The following SENP6 variants were observed in gnomAD, a reference collection of about 807,000 sequenced individuals.
The protein encoded by SENP6 is SUMO specific peptidase 6.
A neutral mutation model predicts 134.5 loss-of-function variants in SENP6; 41 were observed. That is an observed-to-expected ratio of 0.30 (90% CI 0.24 to 0.40). SENP6 has a LOEUF of 0.40. Among genes scored for constraint, SENP6 ranks in the 10% least tolerant of loss-of-function variants. SENP6 has a pLI of 1.00. For synonymous variants in SENP6, 395 were observed against 429.8 expected (o/e 0.92, Z 1.00); for missense variants, 1,248 against 1,312.5 (o/e 0.95, Z 0.76).
chr6:75,685,295 GCAGT>G (rs763705608), intron 16 of SENP6, among the ~76,000 whole-genome samples: 15 of 152,090 alleles, frequency 9.9e-5, no homozygotes, highest in Admixed American at 3.3e-4. Context: ...AGTCTTGCTA[GCAGT>G]CAGTCAATTT....
chr6:75,624,002 C>A, intron 3 of SENP6, 42 bp downstream of exon 3: 1 of 1,477,954 alleles, frequency 6.8e-7, no homozygotes, highest in Non-Finnish European at 9.3e-7. Flanking sequence ...ACATTATATA[C>A]AAAAAAATTG....
chr6:75,622,817 G>A (rs957697525), intron 2 of SENP6: 2 of 1,288,722 alleles, frequency 1.6e-6, no homozygotes, highest in African/African-American at 1.5e-5. Flanking sequence ...TCACCGATGA[G>A]ATGTTGATTT....
In SENP6 at chr6:75,640,722, GA is replaced by G; in HGVS notation, c.479+21del. On this transcript the variant is annotated intron_variant, in intron 6 of 23. Transcript: ENST00000447266. ...AAAGAAAGGTAAGCTTAATATTGAA[GA>G]AATTAGAGCATGGATATAGTGGTAA... 1 of 1,456,104 alleles carries G rather than the reference GA, an allele frequency of 6.9e-7. No individual in the cohort carries two copies. The highest frequency in any genetic ancestry group is 2.4e-5 in the East Asian group (1 of 41,208). 90.2% of individuals were successfully genotyped at this position (1,456,104 alleles called of 1,614,324 possible).
At chr6:75,694,646 G>A (rs770366672) in intron 16 of SENP6, among the ~76,000 whole-genome samples, 1 of 152,112 alleles carries the variant, frequency 6.6e-6, no homozygotes, top group African/African-American at 2.4e-5. Flanking sequence ...ACCATAAAAT[G>A]TGTGGTTTTT....
At chr6:75,678,772 T>G (rs1162196465) in intron 15 of SENP6, 39 bp from the exon 16 acceptor site, 2 of 1,377,688 alleles carry the variant, frequency 1.5e-6, no homozygotes, top group South Asian at 2.4e-5. Flanking sequence ...TATATATATA[T>G]AGATTTGTTT....
At chr6:75,673,943 C>T (rs1430213807) in intron 11 of SENP6, among the ~76,000 whole-genome samples, 2 of 151,850 alleles carry the variant, frequency 1.3e-5, no homozygotes, top group Non-Finnish European at 2.9e-5. Flanking sequence ...ATCACTTGAA[C>T]CCGGGAGGTG....
chr6:75,657,061 T>C (rs1185754136), intron 7 of SENP6, among the ~76,000 whole-genome samples: 1 of 152,138 alleles, frequency 6.6e-6, no homozygotes, highest in Non-Finnish European at 1.5e-5. Context: ...ATTAGATACA[T>C]GTTTGAGCAA....
rs147111901 is a variant in SENP6, at chr6:75,633,363, A to T, written c.208-218A>T. Among the ~76,000 whole-genome samples the T allele has an allele frequency of 2.6e-3, 397 of 152,320 alleles. 3 individuals carry two copies. Among genetic ancestry groups the T allele is most frequent in the Non-Finnish European group, 3.6e-3 (243 of 68,028 alleles). ...TCTTTGGAAAGATTCACATGAAAAG[A>T]AAGTAATACAATAAACCTCCATGTT... On this transcript the variant is annotated intron_variant, in intron 3 of 23. Transcript: ENST00000447266.
intron 19 of SENP6, among the ~76,000 whole-genome samples, chr6:75,708,093 T>A (rs920070215): frequency 2.0e-5 from 3 of 152,316 alleles, no homozygotes; most frequent in Non-Finnish European, 4.4e-5. Flanking sequence ...AGAGTCTTGC[T>A]CTATCACCCA....
At position 75,717,048 on chromosome 6, in the gene SENP6, T is replaced by A. The variant is rs367784277; in HGVS notation, c.*1454T>A. 6.6e-6 allele frequency: 1 copy of A among 151,966 alleles called. No individual in the cohort carries two copies. The allele number at this position is 151,966 out of a possible 1,614,324, so 9.4% of individuals were successfully genotyped here. ...GTAAGAAAGGTCACCATTAGTGATA[T>A]CAACTGTAGTTTGTTACTTTGAACT... On this transcript the variant is annotated 3_prime_UTR_variant, in exon 24 of 24. Transcript: ENST00000447266.
intron 5 of SENP6, among the ~76,000 whole-genome samples, chr6:75,637,024 G>A (rs1358060359): frequency 6.6e-6 from 1 of 151,960 alleles, no homozygotes; most frequent in Non-Finnish European, 1.5e-5. Flanking sequence ...AGGACTGCAG[G>A]CATGCACCAC....
intron 1 of SENP6, among the ~76,000 whole-genome samples, chr6:75,617,524 C>T (rs939196789): frequency 2.0e-5 from 3 of 151,844 alleles, no homozygotes; most frequent in Admixed American, 6.6e-5. Context: ...CGCCCGCCTC[C>T]GCCTCCACCT....
At chr6:75,660,436 C>G (rs1244627274) in intron 8 of SENP6, among the ~76,000 whole-genome samples, 2 of 152,078 alleles carry the variant, frequency 1.3e-5, no homozygotes, top group African/African-American at 4.8e-5. Flanking sequence ...GAATACTTTA[C>G]TTAAAAGGGT....
intron 21 of SENP6, among the ~76,000 whole-genome samples, chr6:75,711,658 G>C (rs1775752363): frequency 6.6e-6 from 1 of 152,046 alleles, no homozygotes; most frequent in African/African-American, 2.4e-5. Flanking sequence ...CAAATGTTTT[G>C]TTTTGTTTAA....
chr6:75,650,474 A>G (rs1221725225), intron 7 of SENP6, among the ~76,000 whole-genome samples: 1 of 152,082 alleles, frequency 6.6e-6, no homozygotes, highest in African/African-American at 2.4e-5. Flanking sequence ...ATGTTTGTCT[A>G]ATGTTGATTT....
intron 16 of SENP6, among the ~76,000 whole-genome samples, chr6:75,692,092 G>A (rs544099994): frequency 3.9e-5 from 6 of 152,078 alleles, no homozygotes; most frequent in Admixed American, 3.9e-4. Context: ...CCGACCTCAG[G>A]TGATCCGCCT....
intron 12 of SENP6, 76 bp from the exon 13 acceptor site, chr6:75,675,784 A>G: frequency 7.9e-7 from 1 of 1,265,634 alleles, no homozygotes; most frequent in Non-Finnish European, 1.1e-6. Context: ...TTAAACTTGT[A>G]TTTCCTCACA....
intron 1 of SENP6, among the ~76,000 whole-genome samples, chr6:75,619,314 G>A (rs758398634): frequency 5.9e-5 from 9 of 151,994 alleles, no homozygotes; most frequent in Non-Finnish European, 1.3e-4. Context: ...CTTCATATAT[G>A]TGGAATCATA....
chr6:75,676,374 T>C (rs984817064), intron 13 of SENP6, among the ~76,000 whole-genome samples: 2 of 152,156 alleles, frequency 1.3e-5, no homozygotes, highest in South Asian at 2.1e-4. Context: ...ATAGGAATAT[T>C]AAATGTAAAT....
Sources: allele counts gnomAD v4.1 joint callset (sites outside exome capture counted in the v4.1 genomes callset), GRCh38; gene constraint gnomAD v4.1.1; transcripts MANE v1.5; gene names NCBI Gene and HGNC (gene_info 2026-07-23, HGNC 2026-07-21).